The following HS6ST2 variants were observed in gnomAD, a reference collection of about 807,000 sequenced individuals.
HS6ST2 encodes the protein heparan sulfate 6-O-sulfotransferase 2, also known as heparan-sulfate 6-O-sulfotransferase 2.
In HS6ST2, 17 loss-of-function variants were observed where a neutral mutation model predicts 33.0. The observed-to-expected ratio is 0.52, with a 90% CI of 0.35 to 0.77. HS6ST2 has a LOEUF of 0.77. HS6ST2 is among the 30% of genes least tolerant of loss of function. The probability of loss-of-function intolerance (pLI) is 0.01; values close to 1 mark genes in which losing one functional copy is unlikely to be tolerated. For synonymous variants in HS6ST2, 248 were observed against 237.1 expected, an observed-to-expected ratio of 1.05 and a Z score of -0.42; for missense variants, 519 against 551.7, an observed-to-expected ratio of 0.94 and a Z score of 0.59.
intron 3 of HS6ST2, among the ~76,000 whole-genome samples, chrX:132,681,686 C>T (rs779924981): frequency 2.7e-5 from 3 of 112,326 alleles, no homozygotes; most frequent in African/African-American, 9.7e-5. Context: ...TTGATGAACA[C>T]TTCCAAAAGC....
At chrX:132,777,465 C>T (rs1399242163) in intron 2 of HS6ST2, among the ~76,000 whole-genome samples, 4 of 110,705 alleles carry the variant, frequency 3.6e-5, no homozygotes, top group African/African-American at 9.9e-5. Flanking sequence ...GAGTCTCACT[C>T]TGTTGCCCAG....
intron 3 of HS6ST2, among the ~76,000 whole-genome samples, chrX:132,671,668 T>A (rs2063881723): frequency 9.1e-6 from 1 of 109,796 alleles, no homozygotes; most frequent in African/African-American, 3.3e-5. Context: ...CAGTAATCCT[T>A]TAAAAGATAG....
chrX:132,641,309 G>T (rs141502807), intron 4 of HS6ST2, among the ~76,000 whole-genome samples: 2 of 111,427 alleles, frequency 1.8e-5, no homozygotes, highest in African/African-American at 6.5e-5. Context: ...ATGCCCAGCT[G>T]ATTTTTGTAT....
rs1308723603 is a variant in HS6ST2 at position 132,628,061 on chromosome X, T to A, written c.*162A>T. 4 of 435,840 alleles carry A rather than the reference T, an allele frequency of 9.2e-6. No individual in the cohort carries two copies. In the East Asian group the frequency reaches 1.5e-4, roughly 16 times the overall value. 35.9% of individuals were successfully genotyped at this position (435,840 alleles called of 1,213,427 possible). On this transcript the variant is annotated 3_prime_UTR_variant, in exon 5 of 5. Coordinates refer to ENST00000370833, the MANE Select transcript of HS6ST2 (RefSeq NM_001394073.1). ...AGATTTGTTTTACCTACACACAGTATAACACTGAATTGAAAGGCAACTGTA... is the reference window on the plus strand; with the variant it reads ...AGATTTGTTTTACCTACACACAGTAAAACACTGAATTGAAAGGCAACTGTA...
At chrX:132,654,153 T>A (rs1486577719) in intron 4 of HS6ST2, among the ~76,000 whole-genome samples, 1 of 111,038 alleles carries the variant, frequency 9.0e-6, no homozygotes, top group Non-Finnish European at 1.9e-5. Context: ...AACAAAACAA[T>A]AATAATCATG....
At chrX:132,892,286 T>G (rs755181088) in intron 2 of HS6ST2, among the ~76,000 whole-genome samples, 2 of 112,202 alleles carry the variant, frequency 1.8e-5, no homozygotes, top group Non-Finnish European at 3.8e-5. Context: ...GTATTTCTGA[T>G]AGTGCACACT....
chrX:132,881,752 T>C (rs2066176567), intron 2 of HS6ST2, among the ~76,000 whole-genome samples: 1 of 111,717 alleles, frequency 9.0e-6, no homozygotes, highest in Non-Finnish European at 1.9e-5. Flanking sequence ...GTTTTTATGG[T>C]TTTAGGTCTA....
Position 132,957,105 on chromosome X carries a change from C to G in HS6ST2, c.650G>C (p.Arg217Pro), listed in dbSNP as rs911551623. Residue 217 changes from arginine to proline, a missense_variant, in exon 2 of 5, where the codon CGC becomes CCC. Coordinates refer to ENST00000370833, the MANE Select transcript of HS6ST2 (RefSeq NM_001394073.1). ...RYNFTRGDLL[R>P]KVDFDIKGDD... ...GCCCTTGATGTCGAAGTCTACCTTG[C>G]GCAGGAGGTCGCCGCGGGTGAAATT... The G allele has an allele frequency of 1.7e-6, 2 of 1,211,451 alleles. No individual in the cohort carries two copies. Among genetic ancestry groups the G allele is most frequent in the Non-Finnish European group, 2.2e-6 (2 of 895,398 alleles).
At chrX:132,815,872 G>T (rs2065389547) in intron 2 of HS6ST2, among the ~76,000 whole-genome samples, 1 of 111,497 alleles carries the variant, frequency 9.0e-6, no homozygotes, top group South Asian at 3.8e-4. Context: ...GCTAAAGGAT[G>T]CAGGGTTTCT....
At chrX:132,939,500 C>T (rs2066864137) in intron 2 of HS6ST2, among the ~76,000 whole-genome samples, 1 of 110,432 alleles carries the variant, frequency 9.1e-6, no homozygotes, top group Non-Finnish European at 1.9e-5. Context: ...TGGCGTGCAC[C>T]TGTAATCCCA....
At chrX:132,942,853 C>A (rs1357016175) in intron 2 of HS6ST2, among the ~76,000 whole-genome samples, 1 of 112,089 alleles carries the variant, frequency 8.9e-6, no homozygotes, top group African/African-American at 3.2e-5. Flanking sequence ...GAGCAAGATT[C>A]TTTGGCCTCT....
chrX:132,681,446 T>A (rs780799173), intron 3 of HS6ST2, among the ~76,000 whole-genome samples: 51 of 111,643 alleles, frequency 4.6e-4, no homozygotes, highest in Non-Finnish European at 9.2e-4. Flanking sequence ...CGTTTTGCTC[T>A]CAACTTGGCT....
intron 4 of HS6ST2, among the ~76,000 whole-genome samples, chrX:132,632,642 G>A (rs899250051): frequency 6.4e-5 from 7 of 110,185 alleles, no homozygotes; most frequent in African/African-American, 1.7e-4. Context: ...ATGGAAACCC[G>A]GGGAAAGTGT....
At chrX:132,697,855 T>A (rs772968394) in intron 3 of HS6ST2, among the ~76,000 whole-genome samples, 1 of 112,029 alleles carries the variant, frequency 8.9e-6, no homozygotes, top group East Asian at 2.8e-4. Context: ...GTTGCTCAAG[T>A]AAACACCCAT....
intron 2 of HS6ST2, among the ~76,000 whole-genome samples, chrX:132,766,011 T>C (rs979812217): frequency 1.8e-5 from 2 of 112,002 alleles, no homozygotes; most frequent in African/African-American, 6.5e-5. Flanking sequence ...CATATACCAC[T>C]AGCCTTAGAC....
At chrX:132,894,209 T>C (rs1049390700) in intron 2 of HS6ST2, among the ~76,000 whole-genome samples, 7 of 107,975 alleles carry the variant, frequency 6.5e-5, no homozygotes, top group Admixed American at 2.0e-4. Flanking sequence ...TGGCGCAATC[T>C]CAGCTCACTG....
chrX:132,917,751 A>G (rs1019112964), intron 2 of HS6ST2, among the ~76,000 whole-genome samples: 3 of 112,225 alleles, frequency 2.7e-5, no homozygotes, highest in African/African-American at 9.7e-5. Context: ...CAAAAGGCAC[A>G]CATCTCATTT....
intron 2 of HS6ST2, among the ~76,000 whole-genome samples, chrX:132,917,265 A>G (rs2066603477): frequency 8.9e-6 from 1 of 111,784 alleles, no homozygotes; most frequent in Admixed American, 9.5e-5. Flanking sequence ...CATGACTATG[A>G]GAAATGGTGG....
Position 132,647,885 on chromosome X carries a change from G to C in HS6ST2, c.1068-18792C>G, listed in dbSNP as rs192028339. Among the ~76,000 whole-genome samples, 321 of 112,227 alleles carry C rather than the reference G, an allele frequency of 2.9e-3. 1 individual carries two copies. Among genetic ancestry groups the C allele is most frequent in the African/African-American group, 9.6e-3 (296 of 30,926 alleles). ...AATATAATATAGATCATGAGCATGA[G>C]CTCTGCAGCCATTCTGTTGAGGATT... On this transcript the variant is annotated intron_variant, in intron 4 of 4. Transcript: ENST00000370833.
Sources: gnomAD v4.1 joint callset for allele counts (sites outside exome capture counted in the v4.1 genomes callset) on GRCh38, gnomAD v4.1.1 for gene constraint, MANE v1.5 for transcripts, NCBI Gene and HGNC (gene_info 2026-07-23, HGNC 2026-07-21) for gene names.